PHF14: variants seen among roughly 807,000 people sequenced by gnomAD.
The protein encoded by PHF14 is PHD finger protein 14.
A neutral mutation model predicts 117.9 loss-of-function variants in PHF14; 55 were observed. The ratio of observed to expected loss-of-function variants is 0.47; its 90% CI spans 0.38 to 0.58. The LOEUF (loss-of-function observed/expected upper bound fraction) is 0.58. Ranked by LOEUF, PHF14 falls within the 20% of genes least tolerant of loss-of-function variation. The pLI is 0.00. For missense variants in PHF14, 978 were observed against 1,122.2 expected (o/e 0.87, Z 1.84); for synonymous variants, 409 against 368.6 (o/e 1.11, Z -1.26).
At position 11,035,626 on chromosome 7, in the gene PHF14, C is replaced by T. The variant is rs567709587; in HGVS notation, c.1456-14C>T. The T allele has an allele frequency of 6.5e-7, 1 of 1,535,258 alleles. No individual in the cohort carries two copies. The highest frequency in any genetic ancestry group is 8.8e-7 in the Non-Finnish European group (1 of 1,133,700). ...TACAAATGTTCACTATTTTTCTGTG[C>T]TTTCTTTGTATAGGATATAGCAGAT... On this transcript the variant is annotated splice_polypyrimidine_tract_variant and intron_variant, in intron 7 of 17. Transcript: ENST00000634607.
intron 3 of PHF14, among the ~76,000 whole-genome samples, chr7:10,987,956 C>T (rs1168743302): frequency 2.9e-5 from 4 of 139,490 alleles, no homozygotes; most frequent in Non-Finnish European, 3.0e-5. Context: ...GTGGAGGTTG[C>T]GGTGAGCCGA....
Position 11,037,140 on chromosome 7 carries a change from G to T in PHF14, c.1980+49G>T, listed in dbSNP as rs776236807. On this transcript the variant is annotated intron_variant, in intron 10 of 17. Coordinates refer to ENST00000634607, the MANE Select transcript of PHF14 (RefSeq NM_001007157.2). ...ACATAATGTGATAGATCTTACTGAT[G>T]ATTTCTTTTGTGAATGTATGGCATT... The T allele has an allele frequency of 9.2e-6, 13 of 1,410,210 alleles. No homozygotes were observed. In the Admixed American group the frequency reaches 2.6e-4, roughly 29 times the overall value. 87.4% of individuals were successfully genotyped at this position (1,410,210 alleles called of 1,614,324 possible). A position where few individuals can be genotyped will look rare whatever the true frequency, so the allele number is the denominator to read the frequency against.
chr7:11,143,697 T>C (rs1310244107), intron 17 of PHF14, among the ~76,000 whole-genome samples: 3 of 152,146 alleles, frequency 2.0e-5, no homozygotes, highest in Admixed American at 6.5e-5. Flanking sequence ...ACTAAGCATC[T>C]TGTAAGTGTA....
chr7:11,048,513 G>A (rs1784749312), intron 13 of PHF14, among the ~76,000 whole-genome samples: 1 of 152,200 alleles, frequency 6.6e-6, no homozygotes. Context: ...GGAGGTTACA[G>A]TGAGCCTTAG....
chr7:11,081,359 A>T (rs74789084), intron 16 of PHF14, among the ~76,000 whole-genome samples: 2,038 of 152,298 alleles, frequency 0.013, 44 homozygotes, highest in East Asian at 0.1. Context: ...CTCAATTTTT[A>T]TATAAGAATA....
intron 17 of PHF14, among the ~76,000 whole-genome samples, chr7:11,114,529 C>A (rs1787540211): frequency 6.6e-6 from 1 of 151,888 alleles, no homozygotes; most frequent in South Asian, 2.1e-4. Context: ...GGAAATACAC[C>A]TAAATATTTA....
intron 16 of PHF14, among the ~76,000 whole-genome samples, chr7:11,074,198 CCTTTTTTTTCTTTTTTT>C (rs1348899835): frequency 6.6e-6 from 1 of 151,814 alleles, no homozygotes; most frequent in Non-Finnish European, 1.5e-5. Flanking sequence ...AAATGCCTTT[CCTTTTTTTTCTTTTTTT>C]CTTTTTTTTT....
chr7:11,113,829 A>G (rs977131498), intron 17 of PHF14, among the ~76,000 whole-genome samples: 2 of 152,170 alleles, frequency 1.3e-5, no homozygotes, highest in Non-Finnish European at 2.9e-5. Context: ...AGATAATGTC[A>G]TGCTTTATAA....
At chr7:11,138,616 A>G (rs932435886) in intron 17 of PHF14, among the ~76,000 whole-genome samples, 1 of 152,218 alleles carries the variant, frequency 6.6e-6, no homozygotes, top group Non-Finnish European at 1.5e-5. Context: ...TAAAACAATA[A>G]CATATAAATC....
chr7:10,979,025 C>G (rs772600790), intron 2 of PHF14, among the ~76,000 whole-genome samples: 1 of 152,018 alleles, frequency 6.6e-6, no homozygotes. Flanking sequence ...AGTACTAACA[C>G]TGTTGTACCA....
At chr7:11,131,542 T>C (rs1473095715) in intron 17 of PHF14, among the ~76,000 whole-genome samples, 1 of 151,952 alleles carries the variant, frequency 6.6e-6, no homozygotes, top group Non-Finnish European at 1.5e-5. Flanking sequence ...ATATTTTGAA[T>C]GCCAGTCCTT....
chr7:10,985,313 A>T (rs549205349), intron 3 of PHF14, among the ~76,000 whole-genome samples: 98 of 152,170 alleles, frequency 6.4e-4, no homozygotes, highest in African/African-American at 2.2e-3. Flanking sequence ...TTGAAGTTTG[A>T]TTTTCCCTGC....
rs970382321 is a variant in PHF14, at chr7:11,049,253, A to G, written c.2313-2359A>G. On this transcript the variant is annotated intron_variant, in intron 13 of 17. Coordinates refer to ENST00000634607, the MANE Select transcript of PHF14 (RefSeq NM_001007157.2). ...TTTGGAAGGCTGAGGCGGGAGGATC[A>G]CCTGAGGTCAGGAGTTTGAGACCAG... Among the ~76,000 whole-genome samples the G allele has an allele frequency of 5.3e-5, 8 of 152,132 alleles. No individual in the cohort carries two copies. The South Asian group carries it at 1.7e-3, about 32-fold the overall frequency.
At chr7:11,042,257 A>G (rs1170762181) in intron 12 of PHF14, among the ~76,000 whole-genome samples, 2 of 151,962 alleles carry the variant, frequency 1.3e-5, no homozygotes, top group Non-Finnish European at 2.9e-5. Flanking sequence ...GAAATAAACT[A>G]CCTTCTGTTT....
chr7:11,135,051 A>G (rs141715714), intron 17 of PHF14, among the ~76,000 whole-genome samples: 2 of 152,188 alleles, frequency 1.3e-5, no homozygotes, highest in African/African-American at 4.8e-5. Context: ...CCCTCATTGC[A>G]TCTGTTACAA....
intron 13 of PHF14, among the ~76,000 whole-genome samples, chr7:11,043,357 T>G (rs1784560076): frequency 6.6e-6 from 1 of 152,082 alleles, no homozygotes; most frequent in South Asian, 2.1e-4. Flanking sequence ...ATAATGAGTT[T>G]TATCCTTTTC....
intron 16 of PHF14, among the ~76,000 whole-genome samples, chr7:11,090,498 G>C (rs1786602274): frequency 6.6e-6 from 1 of 152,170 alleles, no homozygotes; most frequent in Admixed American, 6.5e-5. Flanking sequence ...AAAATTGCCT[G>C]ATTATATCAA....
At chr7:10,990,495 A>G (rs1782412351) in intron 3 of PHF14, among the ~76,000 whole-genome samples, 1 of 152,134 alleles carries the variant, frequency 6.6e-6, no homozygotes. Context: ...AAAATTAAAT[A>G]AGAGGGTGCT....
chr7:11,091,955 G>T (rs1786655282), intron 16 of PHF14, among the ~76,000 whole-genome samples: 1 of 152,186 alleles, frequency 6.6e-6, no homozygotes, highest in African/African-American at 2.4e-5. Flanking sequence ...ACACCTGAAA[G>T]AATTAGGTAG....
Sources: allele counts gnomAD v4.1 joint callset (sites outside exome capture counted in the v4.1 genomes callset), GRCh38; gene constraint gnomAD v4.1.1; transcripts MANE v1.5; gene names NCBI Gene and HGNC (gene_info 2026-07-23, HGNC 2026-07-21).